SCYL3: variants seen among roughly 807,000 people sequenced by gnomAD.
SCYL3 encodes the protein protein-associating with the carboxyl-terminal domain of ezrin.
A neutral mutation model predicts 73.8 loss-of-function variants in SCYL3; 35 were observed. The ratio of observed to expected loss-of-function variants is 0.47; its 90% CI spans 0.36 to 0.63. SCYL3 has a LOEUF of 0.63. Among genes scored for constraint, SCYL3 ranks in the 20% least tolerant of loss-of-function variants. SCYL3 has a pLI of 0.00. For synonymous variants in SCYL3, 277 were observed against 295.2 expected, an observed-to-expected ratio of 0.94 and a Z score of 0.63; for missense variants, 712 against 798.9, an observed-to-expected ratio of 0.89 and a Z score of 1.31.
In SCYL3 at chr1:169,862,692, C is replaced by G. The variant is rs747651232; in HGVS notation, c.1061G>C (p.Arg354Pro). The G allele has an allele frequency of 6.2e-7, 1 of 1,614,178 alleles. No individual in the cohort carries two copies. Among genetic ancestry groups the G allele is most frequent in the East Asian group, 2.2e-5 (1 of 44,880 alleles). ...CTCGATGTGAGACAGCAGCACCATC[C>G]GCACATGCTCTTCATGAACTTCAAA... ...QLFEVHEEHVRMVLLSHIEAY... is the reference protein window; with the variant it reads ...QLFEVHEEHVPMVLLSHIEAY... The change falls in exon 10 of 13, where the codon CGG becomes CCG. Residue 354 changes from arginine (R) to proline (P), a missense_variant. Physicochemically the swap from Arg to Pro is moderately radical, Grantham distance 103. Coordinates refer to ENST00000367771, the MANE Select transcript of SCYL3 (RefSeq NM_020423.7).
In SCYL3 at chr1:169,878,634, T is replaced by C. The variant is rs1457689116; in HGVS notation, c.351A>G (p.Arg117=). The part of the protein sequence containing the change: ...ILLALIFLHD[R]GHLTHNNVCL... ...GATGCAGACTATACAGGTTACTTAC[T>C]CTGTCATGAAGGAAGATAAGAGCCA... The change falls in exon 3 of 13, where the codon AGA becomes AGG. Residue 117 remains arginine, a splice_region_variant and synonymous_variant. Transcript: ENST00000367771. The C allele has an allele frequency of 1.2e-6, 2 of 1,609,830 alleles. No homozygotes were observed. The highest frequency in any genetic ancestry group is 1.7e-6 in the Non-Finnish European group (2 of 1,178,030).
Position 169,851,967 on chromosome 1 carries a change from T to G in SCYL3, c.*1746A>C. 6.2e-7 allele frequency: 1 copy of G among 1,613,828 alleles called. No homozygotes were observed. The highest frequency in any genetic ancestry group is 1.3e-5 in the African/African-American group (1 of 75,030). On this transcript the variant is annotated 3_prime_UTR_variant, in exon 13 of 13. Coordinates refer to ENST00000367771, the MANE Select transcript of SCYL3 (RefSeq NM_020423.7). ...GGCTGATTTCAATAGGGGCCAAACT[T>G]TAACAAGGCAAATTCTGCCCTTTTT...
intron 12 of SCYL3, 93 bp downstream of exon 12, chr1:169,854,177 G>C: frequency 2.1e-6 from 2 of 937,728 alleles, no homozygotes; most frequent in South Asian, 1.8e-5. Context: ...TAGGAAAATA[G>C]CATGTTGCTT....
At chr1:169,863,388 T>C (rs1558123994) in intron 9 of SCYL3, among the ~76,000 whole-genome samples, 1 of 152,180 alleles carries the variant, frequency 6.6e-6, no homozygotes, top group Non-Finnish European at 1.5e-5. Flanking sequence ...TTTTATAAAT[T>C]TATGTTTAAT....
intron 10 of SCYL3, among the ~76,000 whole-genome samples, chr1:169,859,498 T>G (rs1011577700): frequency 3.3e-5 from 5 of 152,218 alleles, no homozygotes; most frequent in African/African-American, 9.6e-5. Flanking sequence ...CAAAAGGTTT[T>G]AAATGTTAAG....
chr1:169,882,372 A>C (rs1661342499), intron 2 of SCYL3, among the ~76,000 whole-genome samples: 1 of 152,186 alleles, frequency 6.6e-6, no homozygotes, highest in Non-Finnish European at 1.5e-5. Context: ...GACCTGCAGC[A>C]TGCCATGCCT....
intron 6 of SCYL3, 55 bp downstream of exon 6, chr1:169,870,200 T>A: frequency 7.9e-7 from 1 of 1,272,792 alleles, no homozygotes; most frequent in Non-Finnish European, 1.1e-6. Flanking sequence ...ACAGAATACG[T>A]CATGGATGAT....
At chr1:169,892,790 T>C (rs976507788) in intron 1 of SCYL3, among the ~76,000 whole-genome samples, 2 of 152,218 alleles carry the variant, frequency 1.3e-5, no homozygotes, top group Admixed American at 1.3e-4. Context: ...GGGCAACTCA[T>C]ACACTCAACT....
chr1:169,877,572 T>A (rs1660941037), intron 3 of SCYL3, among the ~76,000 whole-genome samples: 1 of 152,242 alleles, frequency 6.6e-6, no homozygotes, highest in Non-Finnish European at 1.5e-5. Flanking sequence ...GTGTATAGTA[T>A]ATCTCCATTT....
chr1:169,862,607 T>A lies in SCYL3; in HGVS notation c.1140+6A>T, dbSNP rs1362378522. On this transcript the variant is annotated splice_donor_region_variant and intron_variant, in intron 10 of 12. Transcript: ENST00000367771. ...TGACTACCCCACTGCAAACTTGGCC[T>A]CTGACCTGTGGCAAGATGACTTTCT... 5 of 1,613,992 alleles carry A rather than the reference T, an allele frequency of 3.1e-6. No homozygotes were observed. The highest frequency in any genetic ancestry group is 4.2e-6 in the Non-Finnish European group (5 of 1,179,986).
At chr1:169,871,172 G>A (rs1482131878) in intron 5 of SCYL3, among the ~76,000 whole-genome samples, 5 of 152,174 alleles carry the variant, frequency 3.3e-5, no homozygotes, top group African/African-American at 1.2e-4. Flanking sequence ...CCAGCAAAGT[G>A]CAACTACTGA....
At position 169,852,613 on chromosome 1, in the gene SCYL3, C is replaced by T. The variant is rs1045541234; in HGVS notation, c.*1100G>A. 6 of 633,074 alleles carry T rather than the reference C, an allele frequency of 9.5e-6. No homozygotes were observed. In the African/African-American group the frequency reaches 1.1e-4, roughly 12 times the overall value. The allele number at this position is 633,074 out of a possible 1,614,324, so 39.2% of individuals were successfully genotyped here. A position where few individuals can be genotyped will look rare whatever the true frequency, so the allele number is the denominator to read the frequency against. ...TAGCACTCTGAATTGCTATGATAAA[C>T]CAAAATGCCTTTACATATTTTTCTA... is the stretch of plus-strand genomic sequence containing the variant. On this transcript the variant is annotated 3_prime_UTR_variant, in exon 13 of 13. Transcript: ENST00000367771.
intron 1 of SCYL3, among the ~76,000 whole-genome samples, chr1:169,892,288 G>T (rs1293962297): frequency 6.6e-6 from 1 of 152,186 alleles, no homozygotes; most frequent in Non-Finnish European, 1.5e-5. Flanking sequence ...ATATGGTCTT[G>T]TTCTGTTGCT....
Position 169,866,879 on chromosome 1 carries a change from T to G in SCYL3, c.815+17A>C. On this transcript the variant is annotated intron_variant, in intron 8 of 12. Transcript: ENST00000367771. ...ATCCAAGTTATTCAATTTAAATTCTTAATTTTCTGAACTTACTTAAAGAAT... is the reference window on the plus strand; with the variant it reads ...ATCCAAGTTATTCAATTTAAATTCTGAATTTTCTGAACTTACTTAAAGAAT... The G allele has an allele frequency of 7.3e-7, 1 of 1,377,076 alleles. No individual in the cohort carries two copies. The highest frequency in any genetic ancestry group is 1.0e-6 in the Non-Finnish European group (1 of 974,422). 85.3% of individuals were successfully genotyped at this position (1,377,076 alleles called of 1,614,324 possible). A position where few individuals can be genotyped will look rare whatever the true frequency, so the allele number is the denominator to read the frequency against.
At chr1:169,869,480 T>C (rs1426623243) in intron 6 of SCYL3, among the ~76,000 whole-genome samples, 1 of 152,222 alleles carries the variant, frequency 6.6e-6, no homozygotes, top group Non-Finnish European at 1.5e-5. Flanking sequence ...ATGGATGCCT[T>C]TGGGCCTTAG....
intron 5 of SCYL3, among the ~76,000 whole-genome samples, chr1:169,871,251 T>C (rs1427289819): frequency 6.6e-6 from 1 of 152,224 alleles, no homozygotes; most frequent in Non-Finnish European, 1.5e-5. Context: ...CCACGTGTCC[T>C]GGGAAGAACC....
At position 169,852,793 on chromosome 1, in the gene SCYL3, T is replaced by C. The variant is rs1464186896; in HGVS notation, c.*920A>G. On this transcript the variant is annotated 3_prime_UTR_variant, in exon 13 of 13. Transcript: ENST00000367771. ...ATTACTTATGTTTTTTTTCCAGCCT[T>C]ATGCAAAAAGAGCTCGTCAGGAGTT... 1.9e-6 allele frequency: 3 copies of C among 1,613,786 alleles called. No homozygotes were observed. The highest frequency in any genetic ancestry group is 2.2e-5 in the South Asian group (2 of 91,000).
chr1:169,871,538 G>C (rs1265570450), intron 5 of SCYL3, among the ~76,000 whole-genome samples: 2 of 152,196 alleles, frequency 1.3e-5, no homozygotes, highest in Non-Finnish European at 2.9e-5. Context: ...TACCAGTAGA[G>C]TGGGGCGTTG....
chr1:169,893,913 G>A (rs1662276140), upstream of SCYL3: 1 of 152,546 alleles, frequency 6.6e-6, no homozygotes, highest in African/African-American at 2.4e-5. Flanking sequence ...AATCTTCTGG[G>A]GGCCGGGTTT....
Sources: allele counts gnomAD v4.1 joint callset (sites outside exome capture counted in the v4.1 genomes callset), GRCh38; gene constraint gnomAD v4.1.1; transcripts MANE v1.5; gene names NCBI Gene and HGNC (gene_info 2026-07-23, HGNC 2026-07-21).